Variants in CEP131 observed in about 807,000 individuals in gnomAD.
CEP131 encodes the protein centrosomal protein of 131 kDa.
CEP131 carries 99 observed loss-of-function variants against 136.8 expected under a neutral mutation model. That is an observed-to-expected ratio of 0.72 (90% confidence interval 0.62 to 0.86). The LOEUF is 0.86. Ranked by LOEUF, CEP131 falls within the 40% of genes least tolerant of loss-of-function variation. CEP131 has a pLI of 0.00. For missense variants in CEP131, 1,459 were observed against 1,463.0 expected, an observed-to-expected ratio of 1.00 and a Z score of 0.04; for synonymous variants, 646 against 612.7, an observed-to-expected ratio of 1.05 and a Z score of -0.80.
chr17:81,197,572 G>T, intron 13 of CEP131, 140 bp downstream of exon 13: 3 of 1,254,388 alleles, frequency 2.4e-6, no homozygotes, highest in Non-Finnish European at 3.2e-6. Flanking sequence ...GCTGGGGGCC[G>T]GGTGGGGGCT....
At chr17:81,222,543 C>A (rs73356069) in intron 1 of CEP131, among the ~76,000 whole-genome samples, 1 of 152,148 alleles carries the variant, frequency 6.6e-6, no homozygotes, top group Non-Finnish European at 1.5e-5. Flanking sequence ...CTGTCTTCAC[C>A]TGCGCGGGCC....
intron 18 of CEP131, 79 bp downstream of exon 18, chr17:81,193,847 G>T: frequency 1.4e-6 from 2 of 1,450,150 alleles, no homozygotes; most frequent in South Asian, 1.3e-5. Context: ...CTCTACATGG[G>T]AACTCCACTC....
rs77733643 is a variant in CEP131, at chr17:81,207,224, T to C, written c.288A>G (p.Thr96=). The C allele has an allele frequency of 6.7e-3, 10,793 of 1,613,328 alleles. 434 individuals are homozygous for C. In the African/African-American group the frequency reaches 0.096, roughly 14 times the overall value. The part of the protein sequence containing the change: ...RSGSPRPTEP[T]DFLMLFEGSP... ...TGCCCTCGAAGAGCATCAGGAAGTC[T>C]GTGGGCTCCGTTGGCCTGCATCCGA... The change falls in exon 4 of 26, where the codon ACA becomes ACG. Residue 96 remains threonine, a synonymous_variant. Coordinates refer to ENST00000450824, the MANE Select transcript of CEP131 (RefSeq NM_014984.4).
intron 2 of CEP131, among the ~76,000 whole-genome samples, chr17:81,213,940 G>C (rs1363270098): frequency 6.6e-6 from 1 of 152,180 alleles, no homozygotes; most frequent in Admixed American, 6.5e-5. Context: ...GGGCCATTCT[G>C]TAAAATCCCT....
intron 13 of CEP131, chr17:81,197,428 G>A (rs1035797652): frequency 9.2e-6 from 5 of 543,804 alleles, no homozygotes; most frequent in African/African-American, 3.8e-5. Flanking sequence ...CACACATATG[G>A]GCTCGTGGAG....
At position 81,192,357 on chromosome 17, in the gene CEP131, C is replaced by G. The variant is rs2279917; in HGVS notation, c.2583G>C (p.Leu861=). 3.1e-6 allele frequency: 5 copies of G among 1,589,140 alleles called. No homozygotes were observed. The Admixed American group carries it at 8.9e-5, about 28-fold the overall frequency. ...GGCCGGCCTCCCACGCCTGCCTCTC[C>G]AGCTCCAGCTGCTGCTTCAGGGTAT... is the stretch of plus-strand genomic sequence containing the variant. ...ELNTLKQQLE[L]ERQAWEAGRT... Residue 861 remains leucine (L), a synonymous_variant, in exon 21 of 26, where the codon CTG becomes CTC. Coordinates refer to ENST00000450824, the MANE Select transcript of CEP131 (RefSeq NM_014984.4).
chr17:81,197,121 G>A lies in CEP131; in HGVS notation c.1648-66C>T, dbSNP rs528701279. ...CGGGGGGCAGCCAAGGACCTGACAC[G>A]ATGCCCCTGCGGCCCTGCCCTCTGG... On this transcript the variant is annotated intron_variant, in intron 13 of 25. Transcript: ENST00000450824. 1,208 of 1,526,812 alleles carry A rather than the reference G, an allele frequency of 7.9e-4. 1 individual carries two copies. Among genetic ancestry groups the A allele is most frequent in the Non-Finnish European group, 9.9e-4 (1,128 of 1,136,978 alleles). The allele number at this position is 1,526,812 out of a possible 1,614,324, so 94.6% of individuals were successfully genotyped here.
intron 25 of CEP131, 23 bp from the exon 26 acceptor site, chr17:81,189,866 G>A (rs371539872): frequency 5.0e-6 from 8 of 1,612,316 alleles, no homozygotes; most frequent in South Asian, 1.1e-5. Flanking sequence ...CACAGGGTCA[G>A]GCCTGCTCCC....
Position 81,190,621 on chromosome 17 carries a change from G to A in CEP131, c.3107+18C>T, listed in dbSNP as rs769790630. The A allele has an allele frequency of 2.4e-5, 38 of 1,556,480 alleles. No homozygotes were observed. The highest frequency in any genetic ancestry group is 2.2e-5 in the Non-Finnish European group (25 of 1,157,552). On this transcript the variant is annotated intron_variant, in intron 24 of 25. Transcript: ENST00000450824. ...CTGCCCCGCCTCCGTCTCCAGCCCTGCAGCCCCCGCCGCCCACCTCCGGTG... is the reference window on the plus strand; with the variant it reads ...CTGCCCCGCCTCCGTCTCCAGCCCTACAGCCCCCGCCGCCCACCTCCGGTG...
rs774958669 is a variant in CEP131 at position 81,192,397 on chromosome 17, G to A, written c.2548-5C>T. ...CTTCAGGGTATTCAGCTCCATCTGG[G>A]GGGCGGACATAAGAGGCCAGTCAGT... On this transcript the variant is annotated splice_polypyrimidine_tract_variant and splice_region_variant and intron_variant, in intron 20 of 25. Coordinates refer to ENST00000450824, the MANE Select transcript of CEP131 (RefSeq NM_014984.4). 1.2e-6 allele frequency: 2 copies of A among 1,609,674 alleles called. No individual in the cohort carries two copies. Among genetic ancestry groups the A allele is most frequent in the Non-Finnish European group, 1.7e-6 (2 of 1,179,000 alleles).
At chr17:81,201,872 C>T (rs1356781258) in intron 7 of CEP131, among the ~76,000 whole-genome samples, 1 of 152,122 alleles carries the variant, frequency 6.6e-6, no homozygotes, top group Non-Finnish European at 1.5e-5. Context: ...GAGGCGGAGG[C>T]GGGCGGATCA....
intron 21 of CEP131, among the ~76,000 whole-genome samples, chr17:81,191,858 G>A (rs569476904): frequency 3.1e-4 from 47 of 152,288 alleles, no homozygotes; most frequent in Middle Eastern, 3.4e-3. Context: ...ACCAGGTGAC[G>A]GGCACGGTCA....
intron 2 of CEP131, among the ~76,000 whole-genome samples, chr17:81,213,641 T>C (rs1383519684): frequency 1.3e-5 from 2 of 152,008 alleles, no homozygotes; most frequent in Non-Finnish European, 2.9e-5. Context: ...ATAGATGCTC[T>C]TCTCTAAAGG....
intron 10 of CEP131, 92 bp from the exon 11 acceptor site, chr17:81,199,063 G>A: frequency 8.2e-7 from 1 of 1,224,402 alleles, no homozygotes; most frequent in Non-Finnish European, 1.1e-6. Context: ...CAGGCATGGG[G>A]GAGGCGGAGG....
At chr17:81,206,696 C>A in intron 5 of CEP131, 48 bp downstream of exon 5, 1 of 1,569,464 alleles carries the variant, frequency 6.4e-7, no homozygotes, top group Non-Finnish European at 8.6e-7. Context: ...GTCTCCACTC[C>A]AGGAGCTTCC....
intron 2 of CEP131, among the ~76,000 whole-genome samples, chr17:81,216,512 C>A (rs2062249423): frequency 1.3e-5 from 2 of 152,190 alleles, no homozygotes; most frequent in Non-Finnish European, 2.9e-5. Context: ...GCCTGGGCAA[C>A]AGAGCAAGAC....
At chr17:81,193,151 C>A (rs2061680883) in intron 18 of CEP131, among the ~76,000 whole-genome samples, 1 of 152,246 alleles carries the variant, frequency 6.6e-6, no homozygotes, top group South Asian at 2.1e-4. Flanking sequence ...GCCGGCCTCA[C>A]CCTGTTCAGC....
At chr17:81,194,176 G>C (rs1480930192) in intron 17 of CEP131, 49 bp from the exon 18 acceptor site, 2 of 1,441,750 alleles carry the variant, frequency 1.4e-6, no homozygotes, top group African/African-American at 2.9e-5. Context: ...GGTGGGCCCG[G>C]GAAGTCCAAC....
intron 9 of CEP131, 68 bp downstream of exon 9, chr17:81,199,651 C>T (rs1598286513): frequency 6.3e-7 from 1 of 1,598,158 alleles, no homozygotes; most frequent in East Asian, 2.2e-5. Flanking sequence ...CCAGGGAGCC[C>T]CAGCAGCAGC....
Sources: gnomAD v4.1 joint callset for allele counts (sites outside exome capture counted in the v4.1 genomes callset) on GRCh38, gnomAD v4.1.1 for gene constraint, MANE v1.5 for transcripts, NCBI Gene and HGNC (gene_info 2026-07-23, HGNC 2026-07-21) for gene names.